Variants in NIBAN1 observed in about 807,000 individuals in gnomAD.
NIBAN1 encodes the protein protein Niban 1.
Under a neutral mutation model 75.1 loss-of-function variants are expected in NIBAN1, and 81 were observed. That is an observed-to-expected ratio of 1.08 (90% confidence interval 0.90 to 1.30). The LOEUF (loss-of-function observed/expected upper bound fraction) is 1.30. Among genes scored for constraint, NIBAN1 ranks in the 50% most tolerant of loss-of-function variants. The pLI, the probability that NIBAN1 is intolerant of heterozygous loss-of-function variation, is 0.00. For missense variants in NIBAN1, 1,133 were observed against 1,128.1 expected (o/e 1.00, Z -0.06); for synonymous variants, 436 against 424.8 (o/e 1.03, Z -0.32).
At position 184,793,735 on chromosome 1, in the gene NIBAN1, G is replaced by A. The variant is rs1055922356; in HGVS notation, c.*1242C>T. On this transcript the variant is annotated 3_prime_UTR_variant, in exon 14 of 14. Coordinates refer to ENST00000367511, the MANE Select transcript of NIBAN1 (RefSeq NM_052966.4). ...CATTAATGGTTATAGGTCACCATCC[G>A]TTAAGAAGATGTGTTTTGTCTATTT... 6.8e-4 allele frequency: 104 copies of A among 152,284 alleles called. No homozygotes were observed. Among genetic ancestry groups the A allele is most frequent in the African/African-American group, 2.0e-3 (84 of 41,558 alleles). The allele number at this position is 152,284 out of a possible 1,614,324, so 9.4% of individuals were successfully genotyped here.
chr1:184,823,321 C>A lies in NIBAN1; in HGVS notation c.831G>T (p.Glu277Asp), dbSNP rs1654755164. The A allele has an allele frequency of 1.9e-6, 3 of 1,613,912 alleles. No individual in the cohort carries two copies. Among genetic ancestry groups the A allele is most frequent in the Non-Finnish European group, 2.5e-6 (3 of 1,179,928 alleles). ...DRKRTWLGLLEEAYTLVQHQV... is the reference protein window; with the variant it reads ...DRKRTWLGLLDEAYTLVQHQV... ...GATGCTGAACCAGGGTGTAGGCCTC[C>A]TCGAGGAGCTGCAACAAGGAATAAC... Residue 277 changes from glutamate to aspartate, a missense_variant, in exon 8 of 14, where the codon GAG becomes GAT. Glu to Asp is a conservative substitution (Grantham distance 45). Coordinates refer to ENST00000367511, the MANE Select transcript of NIBAN1 (RefSeq NM_052966.4).
chr1:184,925,731 T>G (rs1299321115), intron 1 of NIBAN1, among the ~76,000 whole-genome samples: 1 of 152,200 alleles, frequency 6.6e-6, no homozygotes, highest in African/African-American at 2.4e-5. Context: ...TTTTTTTAAC[T>G]TTCTGTTAAT....
chr1:184,967,287 A>G lies in NIBAN1; in HGVS notation c.55+7015T>C, dbSNP rs185797940. On this transcript the variant is annotated intron_variant, in intron 1 of 13. Transcript: ENST00000367511. ...TTGAACTGTTGGGAAAGTGCCTTAA[A>G]CAGACTGTAGCAGATGAATTGTGCT... Among the ~76,000 whole-genome samples, 3 of 152,034 alleles carry G rather than the reference A, an allele frequency of 2.0e-5. No individual in the cohort carries two copies. The East Asian group carries it at 5.8e-4, about 29-fold the overall frequency.
chr1:184,953,119 TC>T (rs1658400169), intron 1 of NIBAN1, among the ~76,000 whole-genome samples: 1 of 152,240 alleles, frequency 6.6e-6, no homozygotes, highest in Non-Finnish European at 1.5e-5. Flanking sequence ...AGAGTCCATG[TC>T]CCTATCACAG....
intron 1 of NIBAN1, among the ~76,000 whole-genome samples, chr1:184,965,749 C>T (rs1042031377): frequency 1.3e-5 from 2 of 152,140 alleles, no homozygotes; most frequent in Admixed American, 6.5e-5. Flanking sequence ...GCCCCCACGG[C>T]GCTTCGTTTC....
intron 1 of NIBAN1, among the ~76,000 whole-genome samples, chr1:184,952,216 A>G (rs539060629): frequency 6.6e-6 from 1 of 152,334 alleles, no homozygotes; most frequent in East Asian, 1.9e-4. Context: ...CCTGGGCAAC[A>G]TAGCAAGACC....
chr1:184,861,973 T>A (rs1237370139), intron 5 of NIBAN1, among the ~76,000 whole-genome samples: 1 of 152,224 alleles, frequency 6.6e-6, no homozygotes, highest in Non-Finnish European at 1.5e-5. Context: ...TGTCCTTTTA[T>A]GTGAAAGAAA....
At chr1:184,854,488 G>C (rs936195789) in intron 5 of NIBAN1, among the ~76,000 whole-genome samples, 13 of 152,166 alleles carry the variant, frequency 8.5e-5, no homozygotes, top group Admixed American at 6.5e-5. Flanking sequence ...TGTGGATTAA[G>C]GTTAGTTCAA....
intron 2 of NIBAN1, among the ~76,000 whole-genome samples, chr1:184,894,857 G>A (rs184833026): frequency 5.3e-5 from 8 of 152,102 alleles, no homozygotes; most frequent in South Asian, 4.1e-4. Flanking sequence ...TGTGCTGTGC[G>A]GGCATTTCCA....
intron 2 of NIBAN1, among the ~76,000 whole-genome samples, chr1:184,895,705 C>T (rs1011677648): frequency 6.6e-6 from 1 of 152,092 alleles, no homozygotes; most frequent in Non-Finnish European, 1.5e-5. Flanking sequence ...AACCCTTACT[C>T]CCCTCCCACC....
chr1:184,963,663 A>G (rs1304159225), intron 1 of NIBAN1, among the ~76,000 whole-genome samples: 4 of 152,220 alleles, frequency 2.6e-5, no homozygotes, highest in Non-Finnish European at 5.9e-5. Context: ...CAATCCCAAT[A>G]GTAAGAAAAA....
chr1:184,872,244 ATAAT>A lies in NIBAN1; in HGVS notation c.601+12385_601+12388del, dbSNP rs1656128021. ...TGACCAGATTAGAAAAAGAACGAAA[ATAAT>A]TAATAGAAATGAAAAATAAAAAAAT... On this transcript the variant is annotated intron_variant, in intron 5 of 13. Transcript: ENST00000367511. Among the ~76,000 whole-genome samples the A allele has an allele frequency of 2.0e-5, 3 of 152,256 alleles. No homozygotes were observed. The South Asian group carries it at 6.2e-4, about 32-fold the overall frequency.
intron 1 of NIBAN1, among the ~76,000 whole-genome samples, chr1:184,929,507 A>G (rs1032920108): frequency 1.3e-5 from 2 of 152,096 alleles, no homozygotes; most frequent in African/African-American, 4.8e-5. Flanking sequence ...AGTTTTTTCT[A>G]AAGTTTGAAA....
chr1:184,842,177 C>T (rs1655304678), intron 5 of NIBAN1, among the ~76,000 whole-genome samples: 1 of 152,168 alleles, frequency 6.6e-6, no homozygotes, highest in Non-Finnish European at 1.5e-5. Context: ...ATTGTCTTAA[C>T]GATTGCCTTC....
rs557828048 is a variant in NIBAN1, at chr1:184,970,926, G to T, written c.55+3376C>A. Among the ~76,000 whole-genome samples the T allele has an allele frequency of 9.2e-4, 140 of 152,168 alleles. 1 individual carries two copies. Among genetic ancestry groups the T allele is most frequent in the Non-Finnish European group, 1.8e-3 (121 of 67,982 alleles). ...TAAACAGGAAAACACAGTGTGGGGG[G>T]TTTTTTGGTTTTGTTTTGGGGTTTT... On this transcript the variant is annotated intron_variant, in intron 1 of 13. Coordinates refer to ENST00000367511, the MANE Select transcript of NIBAN1 (RefSeq NM_052966.4).
chr1:184,872,706 T>G (rs1194229412), intron 5 of NIBAN1, among the ~76,000 whole-genome samples: 1 of 142,022 alleles, frequency 7.0e-6, no homozygotes, highest in Non-Finnish European at 1.6e-5. Flanking sequence ...AAACTCTGTA[T>G]CAAATTAAAA....
intron 5 of NIBAN1, among the ~76,000 whole-genome samples, chr1:184,878,835 C>A (rs1455343190): frequency 6.6e-6 from 1 of 152,148 alleles, no homozygotes; most frequent in Non-Finnish European, 1.5e-5. Context: ...TAGCTGTGAC[C>A]TATTTGAGCC....
intron 1 of NIBAN1, among the ~76,000 whole-genome samples, chr1:184,960,130 G>A (rs1394782403): frequency 1.3e-5 from 2 of 152,058 alleles, no homozygotes; most frequent in Non-Finnish European, 2.9e-5. Context: ...AGCAACTATG[G>A]CAAATGTGTA....
intron 1 of NIBAN1, among the ~76,000 whole-genome samples, chr1:184,927,406 T>C (rs187461685): frequency 4.8e-4 from 73 of 152,330 alleles, no homozygotes; most frequent in Non-Finnish European, 7.6e-4. Context: ...TGTAGATTCA[T>C]AGAGATACCA....
Sources: allele counts gnomAD v4.1 joint callset (sites outside exome capture counted in the v4.1 genomes callset), GRCh38; gene constraint gnomAD v4.1.1; transcripts MANE v1.5; gene names NCBI Gene and HGNC (gene_info 2026-07-23, HGNC 2026-07-21).